ATXN1: variants seen among roughly 807,000 people sequenced by gnomAD.
The protein encoded by ATXN1 is ataxin-1.
Under a neutral mutation model 56.4 loss-of-function variants are expected in ATXN1, and 8 were observed. The observed-to-expected ratio is 0.14, with a 90% CI of 0.08 to 0.26. ATXN1 has a LOEUF of 0.26. ATXN1 is among the 10% of genes least tolerant of loss of function. ATXN1 has a pLI of 1.00. For missense variants in ATXN1, 987 were observed against 1,106.5 expected, an observed-to-expected ratio of 0.89 and a Z score of 1.53; for synonymous variants, 514 against 494.6, an observed-to-expected ratio of 1.04 and a Z score of -0.52.
At chr6:16,407,475 T>C (rs1717266325) in intron 6 of ATXN1, among the ~76,000 whole-genome samples, 1 of 152,234 alleles carries the variant, frequency 6.6e-6, no homozygotes. Context: ...TGTTGAAACA[T>C]GCTCCTCAAA....
intron 2 of ATXN1, among the ~76,000 whole-genome samples, chr6:16,685,540 A>C (rs1246833513): frequency 6.6e-6 from 1 of 152,180 alleles, no homozygotes; most frequent in East Asian, 1.9e-4. Flanking sequence ...TTCTTACATA[A>C]AAGCCAGCAG....
chr6:16,531,947 C>T (rs1006504941), intron 4 of ATXN1, among the ~76,000 whole-genome samples: 5 of 152,124 alleles, frequency 3.3e-5, no homozygotes, highest in African/African-American at 1.2e-4. Context: ...CTAGAACAGC[C>T]AAAGGTTGGC....
At chr6:16,369,681 T>C (rs1374635668) in intron 6 of ATXN1, among the ~76,000 whole-genome samples, 1 of 152,208 alleles carries the variant, frequency 6.6e-6, no homozygotes, top group Non-Finnish European at 1.5e-5. Context: ...GCATCTCTGA[T>C]AATATCCAAC....
At chr6:16,576,297 C>A (rs1293364943) in intron 4 of ATXN1, among the ~76,000 whole-genome samples, 2 of 152,144 alleles carry the variant, frequency 1.3e-5, no homozygotes, top group African/African-American at 4.8e-5. Flanking sequence ...CTGTTCTTTT[C>A]TACATATGAT....
At chr6:16,560,049 T>C (rs556832492) in intron 4 of ATXN1, among the ~76,000 whole-genome samples, 8 of 152,066 alleles carry the variant, frequency 5.3e-5, no homozygotes, top group Admixed American at 2.6e-4. Context: ...TCCATTCAAA[T>C]TTGCCCTCTG....
chr6:16,434,280 T>C (rs1195137406), intron 6 of ATXN1, among the ~76,000 whole-genome samples: 1 of 152,198 alleles, frequency 6.6e-6, no homozygotes, highest in Non-Finnish European at 1.5e-5. Flanking sequence ...GGCATGCAAA[T>C]CAATCAACCC....
intron 6 of ATXN1, among the ~76,000 whole-genome samples, chr6:16,420,514 T>C (rs891357881): frequency 3.9e-5 from 6 of 152,200 alleles, no homozygotes; most frequent in African/African-American, 1.4e-4. Flanking sequence ...GTTCTGAGTA[T>C]GTCTACACAG....
intron 3 of ATXN1, among the ~76,000 whole-genome samples, chr6:16,626,659 T>C (rs115103523): frequency 1.9e-3 from 293 of 152,318 alleles, no homozygotes; most frequent in African/African-American, 6.7e-3. Context: ...ACTGGCTGAA[T>C]TTTTTCCCCC....
At chr6:16,657,608 G>A (rs966230422) in intron 3 of ATXN1, among the ~76,000 whole-genome samples, 168 bp downstream of exon 3, 2 of 152,088 alleles carry the variant, frequency 1.3e-5, no homozygotes, top group East Asian at 1.9e-4. Flanking sequence ...AAGTAAATGC[G>A]GTTGCTCTCT....
chr6:16,622,807 T>C lies in ATXN1; in HGVS notation c.-489+34969A>G, dbSNP rs561315148. 2.6e-4 allele frequency among the ~76,000 whole-genome samples: 39 copies of C among 152,286 alleles called. 2 individuals carry two copies. The highest frequency in any genetic ancestry group is 2.5e-3 in the East Asian group (13 of 5,186). ...ATAGCTGGTAGCTTTCATTTCCACA[T>C]GTACTCTCAGAACAGAGAAAAACGA... is the stretch of plus-strand genomic sequence containing the variant. On this transcript the variant is annotated intron_variant, in intron 3 of 7. Transcript: ENST00000436367.
intron 6 of ATXN1, among the ~76,000 whole-genome samples, chr6:16,359,768 T>G (rs2113473026): frequency 6.6e-6 from 1 of 152,262 alleles, no homozygotes; most frequent in South Asian, 2.1e-4. Context: ...AACTTGGGCT[T>G]AAAAGGCGTT....
chr6:16,654,349 T>A (rs911653229), intron 3 of ATXN1, among the ~76,000 whole-genome samples: 2 of 151,952 alleles, frequency 1.3e-5, no homozygotes, highest in Admixed American at 6.6e-5. Flanking sequence ...ATCAAGACCA[T>A]CCTGGCCAAC....
chr6:16,669,007 T>C (rs960174948), intron 2 of ATXN1, among the ~76,000 whole-genome samples: 2 of 152,126 alleles, frequency 1.3e-5, no homozygotes, highest in Non-Finnish European at 2.9e-5. Context: ...GAAATTGTGC[T>C]GTACACTTTG....
intron 4 of ATXN1, among the ~76,000 whole-genome samples, chr6:16,567,474 T>G (rs1762250227): frequency 6.6e-6 from 1 of 152,214 alleles, no homozygotes; most frequent in African/African-American, 2.4e-5. Context: ...TTCTTTCCAC[T>G]GCAAGGGTGC....
intron 2 of ATXN1, among the ~76,000 whole-genome samples, chr6:16,740,957 C>T (rs1760320145): frequency 6.6e-6 from 1 of 152,198 alleles, no homozygotes. Flanking sequence ...TTCTAGGGGG[C>T]TAACTCAGTT....
intron 4 of ATXN1, among the ~76,000 whole-genome samples, chr6:16,578,729 G>A (rs1427594535): frequency 6.8e-6 from 1 of 147,322 alleles, no homozygotes; most frequent in Non-Finnish European, 1.5e-5. Flanking sequence ...GATAACTAGA[G>A]TAGCAGGAAA....
At chr6:16,447,222 T>C (rs142040013) in intron 6 of ATXN1, among the ~76,000 whole-genome samples, 1 of 152,142 alleles carries the variant, frequency 6.6e-6, no homozygotes, top group Admixed American at 6.6e-5. Context: ...TTTTAAAAAT[T>C]TTTAATTAAT....
At chr6:16,372,075 C>A (rs924666369) in intron 6 of ATXN1, among the ~76,000 whole-genome samples, 1 of 152,160 alleles carries the variant, frequency 6.6e-6, no homozygotes, top group African/African-American at 2.4e-5. Flanking sequence ...TTTAAAATTG[C>A]TTTTTAGAAA....
chr6:16,557,122 G>C (rs566610247), intron 4 of ATXN1, among the ~76,000 whole-genome samples: 1 of 152,090 alleles, frequency 6.6e-6, no homozygotes, highest in South Asian at 2.1e-4. Flanking sequence ...TCAGGAGTTC[G>C]AGACCAGCCT....
Sources: gnomAD v4.1 joint callset for allele counts (sites outside exome capture counted in the v4.1 genomes callset) on GRCh38, gnomAD v4.1.1 for gene constraint, MANE v1.5 for transcripts, NCBI Gene and HGNC (gene_info 2026-07-23, HGNC 2026-07-21) for gene names.